The following CAMSAP2 variants were observed in gnomAD, a reference collection of about 807,000 sequenced individuals.
CAMSAP2 encodes the protein calmodulin-regulated spectrin-associated protein 2.
CAMSAP2 carries 26 observed loss-of-function variants against 146.1 expected under a neutral mutation model. The ratio of observed to expected loss-of-function variants is 0.18; its 90% CI spans 0.13 to 0.25. CAMSAP2 has a LOEUF of 0.25. Ranked by LOEUF, CAMSAP2 falls within the 10% of genes least tolerant of loss-of-function variation. CAMSAP2 has a pLI of 1.00. For missense variants in CAMSAP2, 1,381 were observed against 1,759.3 expected, an observed-to-expected ratio of 0.78 and a Z score of 3.85; for synonymous variants, 499 against 596.6, an observed-to-expected ratio of 0.84 and a Z score of 2.38.
intron 1 of CAMSAP2, among the ~76,000 whole-genome samples, chr1:200,742,325 G>A (rs1024848354): frequency 5.9e-5 from 9 of 152,072 alleles, no homozygotes; most frequent in Admixed American, 5.2e-4. Flanking sequence ...TGATATTGTT[G>A]GCTATTACAT....
chr1:200,816,835 TGTATGTGTGTACACACACACGC>T (rs1666536441), intron 4 of CAMSAP2, among the ~76,000 whole-genome samples: 3 of 76,418 alleles, frequency 3.9e-5, no homozygotes, highest in Non-Finnish European at 8.1e-5. Flanking sequence ...CACACGCGTG[TGTATGTGTGTACACACACACGC>T]GTGTGTATGT....
At chr1:200,810,564 A>G (rs1395263682) in intron 3 of CAMSAP2, among the ~76,000 whole-genome samples, 7 of 148,990 alleles carry the variant, frequency 4.7e-5, no homozygotes, top group Non-Finnish European at 7.4e-5. Context: ...TGACAGAGCG[A>G]GACTCCATCT....
At chr1:200,812,526 G>A (rs1434577577) in intron 3 of CAMSAP2, among the ~76,000 whole-genome samples, 1 of 151,446 alleles carries the variant, frequency 6.6e-6, no homozygotes, top group African/African-American at 2.4e-5. Flanking sequence ...TTTTATTCTC[G>A]CATTATGACT....
chr1:200,769,071 A>G (rs1423230166), intron 2 of CAMSAP2, among the ~76,000 whole-genome samples: 2 of 152,084 alleles, frequency 1.3e-5, no homozygotes, highest in Admixed American at 6.5e-5. Flanking sequence ...TGTCAACTCT[A>G]ATTAATTAAT....
chr1:200,821,111 T>C (rs1666749421), intron 4 of CAMSAP2, among the ~76,000 whole-genome samples: 1 of 152,174 alleles, frequency 6.6e-6, no homozygotes, highest in South Asian at 2.1e-4. Context: ...AATTTTTGTT[T>C]TGAATCCTAC....
chr1:200,826,773 C>T (rs540542807), intron 4 of CAMSAP2, among the ~76,000 whole-genome samples: 1 of 152,210 alleles, frequency 6.6e-6, no homozygotes, highest in South Asian at 2.1e-4. Flanking sequence ...TCTGGACTGC[C>T]TAGGTTGGCC....
rs1243759258 is a variant in CAMSAP2 at position 200,845,736 on chromosome 1, T to G, written c.1109+867T>G. 6.6e-5 allele frequency among the ~76,000 whole-genome samples: 10 copies of G among 152,152 alleles called. No individual in the cohort carries two copies. The East Asian group carries it at 1.9e-3, about 29-fold the overall frequency. On this transcript the variant is annotated intron_variant, in intron 8 of 16. Transcript: ENST00000358823. ...CAATAAAAATTTCAAGGTGCAACAG[T>G]TACAAGCAGGTACCTTTTCACAGTG...
chr1:200,857,279 A>G lies in CAMSAP2; in HGVS notation c.4013-27A>G, dbSNP rs1393394099. ...TTTCTGACTTAGGAATGTTATTTTT[A>G]TTATTGTTGTTAAATCCCTACCATA... On this transcript the variant is annotated intron_variant, in intron 15 of 16. Coordinates refer to ENST00000358823, the MANE Select transcript of CAMSAP2 (RefSeq NM_203459.4). The surrounding 1 kb of genome is among the most constrained non-coding windows in gnomAD (Gnocchi z 4.7). 1 of 1,348,372 alleles carries G rather than the reference A, an allele frequency of 7.4e-7. No homozygotes were observed. The allele number at this position is 1,348,372 out of a possible 1,614,324, so 83.5% of individuals were successfully genotyped here.
In CAMSAP2 at chr1:200,807,317, G is replaced by A. The variant is rs183164262; in HGVS notation, c.400-59G>A. 723 of 1,325,142 alleles carry A rather than the reference G, an allele frequency of 5.5e-4. No homozygotes were observed. The African/African-American group carries it at 9.3e-3, about 17-fold the overall frequency. 82.1% of individuals were successfully genotyped at this position (1,325,142 alleles called of 1,614,324 possible). On this transcript the variant is annotated intron_variant, in intron 2 of 16. Coordinates refer to ENST00000358823, the MANE Select transcript of CAMSAP2 (RefSeq NM_203459.4). ...AGATGTCATTAACATTTCAAAATAT[G>A]TAAAAAGCAATTTCTAAATATAATT...
At position 200,858,944 on chromosome 1, in the gene CAMSAP2, A is replaced by G. The variant is rs1299701244; in HGVS notation, c.*885A>G. On this transcript the variant is annotated 3_prime_UTR_variant, in exon 17 of 17. Transcript: ENST00000358823. ...ATGACACTTTGAGAGTAGTCTTTCA[A>G]TCTGAAGATGTAAGACTTCCTGAAA... 1.3e-5 allele frequency: 2 copies of G among 152,452 alleles called. No individual in the cohort carries two copies. Among genetic ancestry groups the G allele is most frequent in the Non-Finnish European group, 2.9e-5 (2 of 67,930 alleles). The allele number at this position is 152,452 out of a possible 1,614,324, so 9.4% of individuals were successfully genotyped here.
At chr1:200,842,967 C>T (rs1449929881) in intron 7 of CAMSAP2, among the ~76,000 whole-genome samples, 1 of 142,112 alleles carries the variant, frequency 7.0e-6, no homozygotes, top group Non-Finnish European at 1.5e-5. Flanking sequence ...AGAGATGAGA[C>T]ACCATCTCAA....
At chr1:200,771,625 A>G (rs189517185) in intron 2 of CAMSAP2, among the ~76,000 whole-genome samples, 426 of 152,324 alleles carry the variant, frequency 2.8e-3, no homozygotes, top group African/African-American at 9.4e-3. Context: ...GACCATGTCT[A>G]TGCCTCTCAC....
At position 200,832,832 on chromosome 1, in the gene CAMSAP2, C is replaced by T; in HGVS notation, c.914C>T (p.Ala305Val). 1 of 1,575,038 alleles carries T rather than the reference C, an allele frequency of 6.3e-7. No individual in the cohort carries two copies. Residue 305 changes from alanine to valine, a missense_variant, in exon 6 of 17, where the codon GCT (alanine) becomes GTT (valine). By Grantham distance (64) the Ala-to-Val change is moderately conservative (BLOSUM62 0). Coordinates refer to ENST00000358823, the MANE Select transcript of CAMSAP2 (RefSeq NM_203459.4). The surrounding 1 kb of genome is among the most constrained non-coding windows in gnomAD (Gnocchi z 4.2). ...ACTCTGGAAGATATGCTCTATGCTG[C>T]TTCATCCATAAAGGTAAATTAAATT... Reference protein sequence around the residue: ...HFTLEDMLYAASSIKSNYLVF... With the variant: ...HFTLEDMLYAVSSIKSNYLVF...
At chr1:200,811,942 C>T (rs2102156039) in intron 3 of CAMSAP2, among the ~76,000 whole-genome samples, 2 of 152,242 alleles carry the variant, frequency 1.3e-5, no homozygotes, top group Middle Eastern at 6.8e-3. Flanking sequence ...GTTTCCTATT[C>T]CTGGGCAGCT....
intron 2 of CAMSAP2, among the ~76,000 whole-genome samples, chr1:200,795,100 C>A (rs987568230): frequency 3.9e-5 from 6 of 152,148 alleles, no homozygotes; most frequent in Non-Finnish European, 2.9e-5. Context: ...TCTTTGCTAA[C>A]CTATGCTGCT....
rs537572083 is a variant in CAMSAP2, at chr1:200,808,420, C to T, written c.561+883C>T. Among the ~76,000 whole-genome samples the T allele has an allele frequency of 3.9e-5, 6 of 152,282 alleles. No individual in the cohort carries two copies. In the South Asian group the frequency reaches 8.3e-4, roughly 21 times the overall value. ...ACCTTATCTGAAGACAAGCACTAAA[C>T]GGATTTAAAAGAAGTTATATCTCCA... On this transcript the variant is annotated intron_variant, in intron 3 of 16. Coordinates refer to ENST00000358823, the MANE Select transcript of CAMSAP2 (RefSeq NM_203459.4).
At position 200,857,592 on chromosome 1, in the gene CAMSAP2, C is replaced by T; in HGVS notation, c.4132-162C>T. 1.3e-6 allele frequency: 1 copy of T among 799,810 alleles called. No individual in the cohort carries two copies. Among genetic ancestry groups the T allele is most frequent in the Non-Finnish European group, 1.9e-6 (1 of 514,190 alleles). 49.5% of individuals were successfully genotyped at this position (799,810 alleles called of 1,614,324 possible). On this transcript the variant is annotated intron_variant, in intron 16 of 16. Coordinates refer to ENST00000358823, the MANE Select transcript of CAMSAP2 (RefSeq NM_203459.4). The surrounding 1 kb of genome is among the most constrained non-coding windows in gnomAD (Gnocchi z 4.7). ...TATTTTCACATTAGGTTCTGGAAGC[C>T]TGCAGATTTTATTAAAGACTAGCAA...
chr1:200,748,828 GTCTC>G (rs1664418541), intron 1 of CAMSAP2, among the ~76,000 whole-genome samples: 1 of 148,662 alleles, frequency 6.7e-6, no homozygotes, highest in African/African-American at 2.5e-5. Flanking sequence ...ATATCTAGTT[GTCTC>G]TCTATCATGA....
At chr1:200,843,371 T>C (rs1571822799) in intron 7 of CAMSAP2, among the ~76,000 whole-genome samples, 3 of 152,290 alleles carry the variant, frequency 2.0e-5, no homozygotes, top group African/African-American at 7.2e-5. Flanking sequence ...AAATAAGCAA[T>C]AATTAGAGTA....
Sources: allele counts gnomAD v4.1 joint callset (sites outside exome capture counted in the v4.1 genomes callset), GRCh38; gene constraint gnomAD v4.1.1; non-coding constraint Gnocchi (gnomAD v3.1); transcripts MANE v1.5; gene names NCBI Gene and HGNC (gene_info 2026-07-23, HGNC 2026-07-21).